Variants in CCDC81 observed in about 807,000 individuals in gnomAD.
CCDC81 encodes coiled-coil domain containing 81, also known as coiled-coil domain-containing protein 81.
CCDC81 carries 79 observed loss-of-function variants against 83.7 expected under a neutral mutation model. The observed-to-expected ratio is 0.94, with a 90% CI of 0.79 to 1.14. The LOEUF (loss-of-function observed/expected upper bound fraction) is 1.14. Among genes scored for constraint, CCDC81 ranks in the 50% most tolerant of loss-of-function variants. The probability of loss-of-function intolerance (pLI) is 0.00; values close to 1 mark genes in which losing one functional copy is unlikely to be tolerated. For missense variants in CCDC81, 791 were observed against 778.1 expected (o/e 1.02, Z -0.20); for synonymous variants, 252 against 278.1 (o/e 0.91, Z 0.93).
At chr11:86,395,155 T>A (rs1948386928) in intron 4 of CCDC81, 179 bp from the exon 5 acceptor site, 1 of 481,830 alleles carries the variant, frequency 2.1e-6, no homozygotes, top group African/African-American at 2.0e-5. Flanking sequence ...CCAGGGTGAT[T>A]GCTCTGATGA....
intron 3 of CCDC81, among the ~76,000 whole-genome samples, chr11:86,389,205 G>A (rs200354790): frequency 6.6e-6 from 1 of 151,762 alleles, no homozygotes; most frequent in Non-Finnish European, 1.5e-5. Context: ...TGAGGCAAGA[G>A]GATCACTTCA....
rs1948345898 is a variant in CCDC81 at position 86,392,535 on chromosome 11, C to G, written c.299-6C>G. 1 of 1,549,912 alleles carries G rather than the reference C, an allele frequency of 6.5e-7. No individual in the cohort carries two copies. The highest frequency in any genetic ancestry group is 2.4e-5 in the East Asian group (1 of 40,878). On this transcript the variant is annotated splice_polypyrimidine_tract_variant and splice_region_variant and intron_variant, in intron 3 of 14. Coordinates refer to ENST00000445632, the MANE Select transcript of CCDC81 (RefSeq NM_001156474.2). Reference sequence around the variant, plus strand: ...TCTCCCACCCCAACTGTCTTTTCTCCTTTAGGTGAAATCCCAATTGTTCCA... The same window carrying G: ...TCTCCCACCCCAACTGTCTTTTCTCGTTTAGGTGAAATCCCAATTGTTCCA...
chr11:86,419,931 C>G lies in CCDC81; in HGVS notation c.1695C>G (p.His565Gln), dbSNP rs1240177257. 4.3e-6 allele frequency: 7 copies of G among 1,611,430 alleles called. No individual in the cohort carries two copies. In the East Asian group the frequency reaches 1.3e-4, roughly 31 times the overall value. The stretch of plus-strand genomic sequence containing the variant: ...CAGGCTGTTCTTTTCTCTCCAGGCA[C>G]TTGGCAGACAGAACCGCTGAGCTGG... The part of the protein sequence containing the change: ...LQMLQRTQRE[H>Q]LADRTAELER... Residue 565 changes from histidine (H) to glutamine (Q), a missense_variant, in exon 14 of 15, where the codon CAC becomes CAG. Physicochemically the swap from His to Gln is conservative, Grantham distance 24. Transcript: ENST00000445632.
At chr11:86,406,073 A>G (rs1385911149) in intron 7 of CCDC81, among the ~76,000 whole-genome samples, 1 of 152,010 alleles carries the variant, frequency 6.6e-6, no homozygotes, top group Non-Finnish European at 1.5e-5. Context: ...TGTTTCTTAT[A>G]TCCCTGTCCT....
intron 5 of CCDC81, among the ~76,000 whole-genome samples, chr11:86,395,743 C>T (rs1243730662): frequency 6.6e-6 from 1 of 152,194 alleles, no homozygotes; most frequent in African/African-American, 2.4e-5. Flanking sequence ...CTGCCTCAGC[C>T]TTTGGAGTAG....
Position 86,419,929 on chromosome 11 carries a change from C to T in CCDC81, c.1693C>T (p.His565Tyr). ...LQMLQRTQREHLADRTAELER... is the reference protein window; with the variant it reads ...LQMLQRTQREYLADRTAELER... ...GCCAGGCTGTTCTTTTCTCTCCAGG[C>T]ACTTGGCAGACAGAACCGCTGAGCT... The change falls in exon 14 of 15, where the codon CAC (histidine) becomes TAC (tyrosine). Residue 565 changes from histidine to tyrosine, a missense_variant and splice_region_variant. His to Tyr is a moderately conservative substitution (Grantham distance 83). Coordinates refer to ENST00000445632, the MANE Select transcript of CCDC81 (RefSeq NM_001156474.2). 2 of 1,611,128 alleles carry T rather than the reference C, an allele frequency of 1.2e-6. No homozygotes were observed. The highest frequency in any genetic ancestry group is 1.3e-5 in the African/African-American group (1 of 74,896).
At chr11:86,388,074 T>C (rs147936005) in intron 3 of CCDC81, among the ~76,000 whole-genome samples, 49 of 152,348 alleles carry the variant, frequency 3.2e-4, no homozygotes, top group South Asian at 1.0e-3. Context: ...TTCTATCATA[T>C]GTATAATCCA....
chr11:86,412,278 G>A (rs1054968646), intron 10 of CCDC81, 109 bp from the exon 11 acceptor site: 5 of 896,446 alleles, frequency 5.6e-6, no homozygotes, highest in Non-Finnish European at 8.5e-6. Context: ...TGAGGGCTGG[G>A]CAAATATTAT....
chr11:86,401,675 T>A (rs1450924877), intron 7 of CCDC81, among the ~76,000 whole-genome samples: 1 of 152,134 alleles, frequency 6.6e-6, no homozygotes, highest in Non-Finnish European at 1.5e-5. Flanking sequence ...ATAAACCTGC[T>A]TTTATAAAAC....
At chr11:86,396,830 G>A (rs553875382) in intron 5 of CCDC81, among the ~76,000 whole-genome samples, 192 of 152,232 alleles carry the variant, frequency 1.3e-3, no homozygotes, top group Non-Finnish European at 2.1e-3. Flanking sequence ...TGATGGTTTC[G>A]GAAGGCAAAC....
chr11:86,410,305 C>G (rs561633120), intron 10 of CCDC81, among the ~76,000 whole-genome samples: 2 of 152,228 alleles, frequency 1.3e-5, no homozygotes, highest in East Asian at 3.9e-4. Flanking sequence ...TGAATTCCTC[C>G]AGGCCAGCCA....
chr11:86,384,009 C>T (rs1948207632), intron 1 of CCDC81, among the ~76,000 whole-genome samples: 1 of 152,180 alleles, frequency 6.6e-6, no homozygotes, highest in Non-Finnish European at 1.5e-5. Context: ...TTAAACTCAG[C>T]TGAGTCTTTT....
chr11:86,408,069 T>C (rs773226509), intron 8 of CCDC81, 58 bp from the exon 9 acceptor site: 36 of 1,565,308 alleles, frequency 2.3e-5, no homozygotes, highest in Non-Finnish European at 2.7e-5. Flanking sequence ...GTGAAGGGAA[T>C]GCGAAAGCAA....
At chr11:86,418,289 C>T (rs2138544053) in intron 13 of CCDC81, among the ~76,000 whole-genome samples, 1 of 152,124 alleles carries the variant, frequency 6.6e-6, no homozygotes, top group South Asian at 2.1e-4. Flanking sequence ...CTATGGAAAA[C>T]AGTATGGTGG....
At chr11:86,385,496 A>G in intron 1 of CCDC81, among the ~76,000 whole-genome samples, 1 of 152,268 alleles carries the variant, frequency 6.6e-6, no homozygotes, top group Non-Finnish European at 1.5e-5. Context: ...GTACTAGTAG[A>G]GCAAGTGACA....
At chr11:86,376,480 GGA>G (rs145037977) in intron 1 of CCDC81, among the ~76,000 whole-genome samples, 1 of 151,316 alleles carries the variant, frequency 6.6e-6, no homozygotes, top group Admixed American at 6.6e-5. Context: ...CATGACGGCA[GGA>G]GAGAGAGAGA....
At chr11:86,418,908 C>G (rs1948754612) in intron 13 of CCDC81, among the ~76,000 whole-genome samples, 1 of 151,838 alleles carries the variant, frequency 6.6e-6, no homozygotes, top group South Asian at 2.1e-4. Flanking sequence ...AGAAAAATAA[C>G]TTATGAAAAA....
chr11:86,407,568 G>T (rs1485025164), intron 7 of CCDC81, 46 bp from the exon 8 acceptor site: 3 of 1,282,738 alleles, frequency 2.3e-6, no homozygotes, highest in Non-Finnish European at 3.4e-6. Context: ...TTGCCCTTGA[G>T]GTCAGATTGT....
chr11:86,396,032 C>G (rs1345774555), intron 5 of CCDC81, among the ~76,000 whole-genome samples: 7 of 152,182 alleles, frequency 4.6e-5, no homozygotes, highest in Admixed American at 4.6e-4. Flanking sequence ...GCTGAACTTT[C>G]CACTACTTTG....
Sources: gnomAD v4.1 joint callset for allele counts (sites outside exome capture counted in the v4.1 genomes callset) on GRCh38, gnomAD v4.1.1 for gene constraint, MANE v1.5 for transcripts, NCBI Gene and HGNC (gene_info 2026-07-23, HGNC 2026-07-21) for gene names.